ZNF521: variants seen among roughly 807,000 people sequenced by gnomAD.
The protein encoded by ZNF521 is LYST-interacting protein 3.
Under a neutral mutation model 105.5 loss-of-function variants are expected in ZNF521, and 14 were observed. The observed-to-expected ratio is 0.13, with a 90% CI of 0.09 to 0.21. The LOEUF is 0.21. Ranked by LOEUF, ZNF521 falls within the 10% of genes least tolerant of loss-of-function variation. The pLI is 1.00. For missense variants in ZNF521, 1,233 were observed against 1,629.7 expected, an observed-to-expected ratio of 0.76 and a Z score of 4.19; for synonymous variants, 635 against 606.0, an observed-to-expected ratio of 1.05 and a Z score of -0.70.
intron 2 of ZNF521, among the ~76,000 whole-genome samples, chr18:25,345,593 A>G (rs1914426205): frequency 6.6e-6 from 1 of 152,250 alleles, no homozygotes; most frequent in Admixed American, 6.5e-5. Context: ...AGATGCTGCC[A>G]GAAGTGCTGA....
intron 5 of ZNF521, among the ~76,000 whole-genome samples, chr18:25,194,172 C>T (rs774861821): frequency 2.6e-5 from 4 of 151,614 alleles, no homozygotes; most frequent in Non-Finnish European, 4.4e-5. Context: ...AATTTTCTTT[C>T]CTGTCTTACA....
intron 3 of ZNF521, among the ~76,000 whole-genome samples, chr18:25,309,014 A>T (rs956667920): frequency 3.3e-5 from 5 of 152,200 alleles, no homozygotes; most frequent in Non-Finnish European, 7.3e-5. Context: ...GCACCAACTT[A>T]AGCTCCATCT....
rs538711548 is a variant in ZNF521 at position 25,132,263 on chromosome 18, A to C, written c.3659-40182T>G. Among the ~76,000 whole-genome samples the C allele has an allele frequency of 7.7e-4, 117 of 152,232 alleles. No homozygotes were observed. The Middle Eastern group carries it at 0.01, about 13-fold the overall frequency. On this transcript the variant is annotated intron_variant, in intron 5 of 7. Transcript: ENST00000361524. ...AACAAAGAATCCTACATTTCCACCT[A>C]CTGTATCTTCTAAGCAGACTAGTGT...
intron 3 of ZNF521, among the ~76,000 whole-genome samples, chr18:25,250,945 A>G (rs1908077206): frequency 6.6e-6 from 1 of 152,258 alleles, no homozygotes; most frequent in South Asian, 2.1e-4. Context: ...ATGAGATGTT[A>G]AATTTTAGAT....
Position 25,224,688 on chromosome 18 carries a change from T to C in ZNF521, c.3230A>G (p.Lys1077Arg). The change falls in exon 4 of 8, where the codon AAG becomes AGG. Residue 1077 changes from lysine to arginine, a missense_variant. Physicochemically the swap from Lys to Arg is conservative, Grantham distance 26. Around this residue, in one of 6 missense-constraint regions of ZNF521, gnomAD observed 614 missense variants for 751.5 expected, o/e 0.82. Coordinates refer to ENST00000361524, the MANE Select transcript of ZNF521 (RefSeq NM_015461.3). ...CASCLKEFRS[K>R]QDLVKLDING... Reference sequence around the variant, plus strand: ...GATATCAAGTTTCACCAGATCTTGCTTGGAACGGAATTCTTTGAGGCAAGA... The same window carrying C: ...GATATCAAGTTTCACCAGATCTTGCCTGGAACGGAATTCTTTGAGGCAAGA... 1 of 1,614,104 alleles carries C rather than the reference T, an allele frequency of 6.2e-7. No individual in the cohort carries two copies. The highest frequency in any genetic ancestry group is 8.5e-7 in the Non-Finnish European group (1 of 1,180,012).
chr18:25,062,784 A>AAG (rs60933974), intron 7 of ZNF521, 43 bp from the exon 8 acceptor site: 53 of 1,358,962 alleles, frequency 3.9e-5, no homozygotes, highest in South Asian at 2.0e-4. Flanking sequence ...AAAAAAAAAA[A>AAG]AGAGAAGAGA....
chr18:25,228,779 G>A (rs959292176), intron 3 of ZNF521, among the ~76,000 whole-genome samples: 4 of 152,204 alleles, frequency 2.6e-5, no homozygotes, highest in Non-Finnish European at 5.9e-5. Context: ...TAAAAACTAT[G>A]TTCTTAGCAA....
chr18:25,302,248 G>C (rs7241342), intron 3 of ZNF521: 1 of 151,318 alleles, frequency 6.6e-6, no homozygotes. Context: ...AGAGAAAGAG[G>C]TGTGTGGCAG....
At chr18:25,265,502 T>A (rs1909185520) in intron 3 of ZNF521, among the ~76,000 whole-genome samples, 2 of 152,174 alleles carry the variant, frequency 1.3e-5, no homozygotes, top group South Asian at 4.2e-4. Flanking sequence ...CTAGGAGACA[T>A]TTATTCAGAC....
In ZNF521 at chr18:25,176,817, G is replaced by A. The variant is rs559940603; in HGVS notation, c.3658+18343C>T. 2.0e-5 allele frequency among the ~76,000 whole-genome samples: 3 copies of A among 152,352 alleles called. No homozygotes were observed. In the South Asian group the frequency reaches 6.2e-4, roughly 32 times the overall value. ...AAATGACAAAGATGAAACTGCTCCC[G>A]GAAAATTCTAGACACTCACACATGC... On this transcript the variant is annotated intron_variant, in intron 5 of 7. Transcript: ENST00000361524.
At chr18:25,258,447 C>T (rs1345041014) in intron 3 of ZNF521, among the ~76,000 whole-genome samples, 1 of 151,944 alleles carries the variant, frequency 6.6e-6, no homozygotes. Flanking sequence ...TTAAAGAGGT[C>T]CGAGGTGTAT....
At chr18:25,153,954 A>C (rs1453884679) in intron 5 of ZNF521, among the ~76,000 whole-genome samples, 1 of 152,200 alleles carries the variant, frequency 6.6e-6, no homozygotes, top group Admixed American at 6.5e-5. Flanking sequence ...CAATGGTTCT[A>C]AGAAATCAGG....
chr18:25,189,460 T>C lies in ZNF521; in HGVS notation c.3658+5700A>G, dbSNP rs145202925. The stretch of plus-strand genomic sequence containing the variant: ...CATACTAAGCAATAACACTTCATTT[T>C]ACGTAAGTTTTATCTGATGTCCCCA... On this transcript the variant is annotated intron_variant, in intron 5 of 7. Transcript: ENST00000361524. Among the ~76,000 whole-genome samples the C allele has an allele frequency of 2.4e-3, 365 of 152,342 alleles. 6 individuals are homozygous for C. Among genetic ancestry groups the C allele is most frequent in the Middle Eastern group, 6.8e-3 (2 of 294 alleles).
At chr18:25,243,376 C>T (rs1386472669) in intron 3 of ZNF521, among the ~76,000 whole-genome samples, 2 of 152,140 alleles carry the variant, frequency 1.3e-5, no homozygotes, top group Non-Finnish European at 2.9e-5. Flanking sequence ...GTTAAAGAGA[C>T]AACTCAAGAG....
intron 5 of ZNF521, among the ~76,000 whole-genome samples, chr18:25,114,301 C>T (rs1197994729): frequency 6.6e-6 from 1 of 152,166 alleles, no homozygotes; most frequent in African/African-American, 2.4e-5. Context: ...AAGAGGATGT[C>T]ATTTTTATAC....
chr18:25,086,609 C>A (rs2033628676), intron 7 of ZNF521, among the ~76,000 whole-genome samples: 1 of 152,052 alleles, frequency 6.6e-6, no homozygotes, highest in Admixed American at 6.6e-5. Context: ...ATCTCAGATT[C>A]ATAATAATTA....
At chr18:25,330,223 G>A (rs1260155009) in intron 2 of ZNF521, among the ~76,000 whole-genome samples, 1 of 152,014 alleles carries the variant, frequency 6.6e-6, no homozygotes. Context: ...GAGTGCAGTG[G>A]TGCAATCTCA....
chr18:25,328,584 G>A (rs909379396), intron 2 of ZNF521, among the ~76,000 whole-genome samples: 10 of 145,002 alleles, frequency 6.9e-5, no homozygotes, highest in South Asian at 6.5e-4. Flanking sequence ...ACGGAGTCTC[G>A]CTCTTTGGCT....
chr18:25,351,892 A>AGCGGCGGCAGCG (rs1218267812), intron 1 of ZNF521, 113 bp downstream of exon 1: 26 of 275,782 alleles, frequency 9.4e-5, no homozygotes, highest in Middle Eastern at 1.0e-3. Flanking sequence ...CGGCGGCAGC[A>AGCGGCGGCAGCG]GCGGCGGCAG....
Sources: gnomAD v4.1 joint callset for allele counts (sites outside exome capture counted in the v4.1 genomes callset) on GRCh38, gnomAD v4.1.1 for gene constraint, gnomAD v4.1.1 regional missense constraint, MANE v1.5 for transcripts, NCBI Gene and HGNC (gene_info 2026-07-23, HGNC 2026-07-21) for gene names.